CLASP1: variants seen among roughly 807,000 people sequenced by gnomAD.
The protein encoded by CLASP1 is cytoplasmic linker associated protein 1.
A neutral mutation model predicts 192.3 loss-of-function variants in CLASP1; 38 were observed. The ratio of observed to expected loss-of-function variants is 0.20; its 90% CI spans 0.15 to 0.26. The LOEUF (loss-of-function observed/expected upper bound fraction) is 0.26. CLASP1 is among the 10% of genes least tolerant of loss of function. The pLI is 1.00. For synonymous variants in CLASP1, 691 were observed against 712.8 expected, an observed-to-expected ratio of 0.97 and a Z score of 0.49; for missense variants, 1,433 against 1,932.5, an observed-to-expected ratio of 0.74 and a Z score of 4.85.
chr2:121,608,351 T>C (rs2064731970), intron 1 of CLASP1, among the ~76,000 whole-genome samples: 2 of 152,096 alleles, frequency 1.3e-5, no homozygotes, highest in Admixed American at 1.3e-4. Context: ...CCAGGTGGAG[T>C]CCAAGTCCCC....
At position 121,498,201 on chromosome 2, in the gene CLASP1, CTT is replaced by C. The variant is rs70954551; in HGVS notation, c.712+4964_712+4965del. ...ACTGTGGTAAAATAGGTAATAGTTT[CTT>C]TTTTTTTTTTTTTTTTCTGAGACGG... On this transcript the variant is annotated intron_variant, in intron 8 of 39. Transcript: ENST00000263710. Among the ~76,000 whole-genome samples the C allele has an allele frequency of 3.1e-4, 37 of 119,080 alleles. No homozygotes were observed. In the East Asian group the frequency reaches 5.2e-3, roughly 17 times the overall value. The allele number at this position is 119,080 out of a possible 152,430, so 78.1% of individuals were successfully genotyped here.
At chr2:121,518,091 C>T (rs778292109) in intron 6 of CLASP1, among the ~76,000 whole-genome samples, 18 of 150,118 alleles carry the variant, frequency 1.2e-4, no homozygotes, top group Non-Finnish European at 2.2e-4. Flanking sequence ...ATCAGCTGGG[C>T]GTGGTGGCAC....
At chr2:121,582,642 A>AGAGAGGGAGG (rs2061327515) in intron 2 of CLASP1, among the ~76,000 whole-genome samples, 3 of 151,336 alleles carry the variant, frequency 2.0e-5, no homozygotes, top group Admixed American at 1.3e-4. Flanking sequence ...GGGAAGGGAG[A>AGAGAGGGAGG]GAGAGGGAGA....
chr2:121,615,820 A>T (rs117660040), intron 1 of CLASP1, among the ~76,000 whole-genome samples: 5,643 of 148,602 alleles, frequency 0.038, 163 homozygotes, highest in East Asian at 0.14. Flanking sequence ...CAAATAAATT[A>T]AAAAAAACAA....
At chr2:121,464,694 G>C (rs1008000024) in intron 9 of CLASP1, among the ~76,000 whole-genome samples, 2 of 152,038 alleles carry the variant, frequency 1.3e-5, no homozygotes, top group African/African-American at 4.8e-5. Context: ...TGATGGGGTT[G>C]TTTGTTTTTT....
intron 1 of CLASP1, among the ~76,000 whole-genome samples, chr2:121,607,457 C>A (rs1456878772): frequency 6.6e-6 from 1 of 152,184 alleles, no homozygotes; most frequent in Non-Finnish European, 1.5e-5. Context: ...ATCTCAAAAT[C>A]ATGTTTGAGT....
intron 22 of CLASP1, 76 bp from the exon 23 acceptor site, chr2:121,418,805 C>T: frequency 1.9e-6 from 2 of 1,059,370 alleles, no homozygotes; most frequent in Non-Finnish European, 2.9e-6. Context: ...AAATGTCAGT[C>T]ACATTTGGTT....
At chr2:121,530,712 CG>C (rs1481841131) in intron 2 of CLASP1, 1 of 507,208 alleles carries the variant, frequency 2.0e-6, no homozygotes, top group Non-Finnish European at 3.5e-6. Context: ...GCCGCTTTTG[CG>C]ACCCTTCGGG....
intron 26 of CLASP1, among the ~76,000 whole-genome samples, chr2:121,402,351 G>T (rs148181641): frequency 7.9e-5 from 12 of 152,342 alleles, no homozygotes; most frequent in African/African-American, 2.9e-4. Flanking sequence ...AGAGTGCACA[G>T]TGGAATATCT....
At chr2:121,627,554 A>G (rs2068617898) in intron 1 of CLASP1, among the ~76,000 whole-genome samples, 1 of 152,246 alleles carries the variant, frequency 6.6e-6, no homozygotes. Flanking sequence ...TGAAACAAAT[A>G]TAAGGGCACC....
chr2:121,563,311 C>T (rs1298795686), intron 2 of CLASP1, among the ~76,000 whole-genome samples: 1 of 152,156 alleles, frequency 6.6e-6, no homozygotes, highest in African/African-American at 2.4e-5. Context: ...AAAGAGTCTA[C>T]ATCACATTGA....
intron 19 of CLASP1, among the ~76,000 whole-genome samples, chr2:121,444,220 TA>T (rs1473096867): frequency 1.3e-5 from 2 of 152,126 alleles, no homozygotes; most frequent in Non-Finnish European, 2.9e-5. Context: ...GAGAATGGCA[TA>T]AAAAACAAAA....
intron 33 of CLASP1, among the ~76,000 whole-genome samples, chr2:121,379,394 G>C (rs1182232753): frequency 6.6e-6 from 1 of 152,162 alleles, no homozygotes; most frequent in Non-Finnish European, 1.5e-5. Flanking sequence ...GTCTGTCAAA[G>C]AGGCAACACT....
intron 33 of CLASP1, 141 bp from the exon 35 acceptor site, chr2:121,377,790 C>T (rs1025880100): frequency 1.2e-5 from 7 of 590,220 alleles, no homozygotes; most frequent in African/African-American, 3.8e-5. Flanking sequence ...GAAAAGGAGA[C>T]GTCTTTTGTT....
At chr2:121,530,576 C>T (rs1157577903) in intron 2 of CLASP1, 7 of 532,558 alleles carry the variant, frequency 1.3e-5, no homozygotes, top group Non-Finnish European at 2.4e-5. Flanking sequence ...TAGCCAAACC[C>T]GGGTTAGCTG....
At chr2:121,478,900 C>CA (rs1559369193) in intron 8 of CLASP1, among the ~76,000 whole-genome samples, 21 of 58,598 alleles carry the variant, frequency 3.6e-4, no homozygotes, top group African/African-American at 1.4e-3. Flanking sequence ...CACACACACA[C>CA]CACACCACAC....
exon 3 of CLASP1, chr2:121,530,274 C>G: frequency 6.4e-7 from 1 of 1,552,408 alleles, no homozygotes; most frequent in South Asian, 1.2e-5. Flanking sequence ...TTGAACCGAT[C>G]CTGCAGCCGG....
At chr2:121,610,107 AT>A (rs1461471218) in intron 1 of CLASP1, among the ~76,000 whole-genome samples, 1 of 152,258 alleles carries the variant, frequency 6.6e-6, no homozygotes, top group Non-Finnish European at 1.5e-5. Context: ...AAATCAAAAA[AT>A]AATTGTATTT....
intron 30 of CLASP1, among the ~76,000 whole-genome samples, chr2:121,388,254 C>T (rs2073697824): frequency 6.6e-6 from 1 of 152,142 alleles, no homozygotes. Context: ...AGATTGATCC[C>T]ACTTTAATAA....
Sources: gnomAD v4.1 joint callset for allele counts (sites outside exome capture counted in the v4.1 genomes callset) on GRCh38, gnomAD v4.1.1 for gene constraint, MANE v1.5 for transcripts, NCBI Gene and HGNC (gene_info 2026-07-23, HGNC 2026-07-21) for gene names.